The following JARID2 variants were observed in gnomAD, a reference collection of about 807,000 sequenced individuals.
JARID2 encodes the protein protein Jumonji.
In JARID2, 21 loss-of-function variants were observed where a neutral mutation model predicts 125.6. That is an observed-to-expected ratio of 0.17 (90% confidence interval 0.12 to 0.24). The LOEUF is 0.24. Among genes scored for constraint, JARID2 ranks in the 10% least tolerant of loss-of-function variants. The pLI, the probability that JARID2 is intolerant of heterozygous loss-of-function variation, is 1.00. For missense variants in JARID2, 1,303 were observed against 1,639.6 expected (o/e 0.79, Z 3.55); for synonymous variants, 736 against 661.6 (o/e 1.11, Z -1.73).
chr6:15,437,413 T>C (rs909173080), intron 3 of JARID2, among the ~76,000 whole-genome samples: 1 of 152,200 alleles, frequency 6.6e-6, no homozygotes, highest in African/African-American at 2.4e-5. Context: ...CAGCTCCTTA[T>C]GCACTGTCCT....
intron 1 of JARID2, among the ~76,000 whole-genome samples, chr6:15,308,814 T>C (rs1335931709): frequency 6.6e-6 from 1 of 152,248 alleles, no homozygotes; most frequent in Admixed American, 6.5e-5. Flanking sequence ...AAATTGGTTT[T>C]CTTATATTTT....
chr6:15,347,211 G>A (rs1301658449), intron 1 of JARID2, among the ~76,000 whole-genome samples: 2 of 152,154 alleles, frequency 1.3e-5, no homozygotes, highest in African/African-American at 2.4e-5. Context: ...TATAATTTAT[G>A]GGCAGAATGA....
At chr6:15,261,311 C>CTTTTTTTTTT (rs70996526) in intron 1 of JARID2, among the ~76,000 whole-genome samples, 4 of 125,824 alleles carry the variant, frequency 3.2e-5, no homozygotes, top group African/African-American at 6.5e-5. Flanking sequence ...TCTTCTTCTT[C>CTTTTTTTTTT]TTTTTTTTTT....
intron 1 of JARID2, among the ~76,000 whole-genome samples, chr6:15,312,653 T>C (rs903245412): frequency 6.6e-6 from 1 of 152,180 alleles, no homozygotes; most frequent in Non-Finnish European, 1.5e-5. Flanking sequence ...CCAGGCTGTG[T>C]GTATGGTTTG....
In JARID2 at chr6:15,497,019, G is replaced by C; in HGVS notation, c.1794G>C (p.Glu598Asp). Residue 598 changes from glutamate (E) to aspartate (D), a missense_variant, in exon 7 of 18, where the codon GAG becomes GAC. Transcript: ENST00000341776. ...RVIPPPDWRP[E>D]CKLNDEMRFV... Reference sequence around the variant, plus strand: ...TCCCCCCTCCGGACTGGCGGCCCGAGTGCAAGCTCAACGATGAGATGCGGT... The same window carrying C: ...TCCCCCCTCCGGACTGGCGGCCCGACTGCAAGCTCAACGATGAGATGCGGT... 6.2e-7 allele frequency: 1 copy of C among 1,613,786 alleles called. No individual in the cohort carries two copies. Among genetic ancestry groups the C allele is most frequent in the Non-Finnish European group, 8.5e-7 (1 of 1,179,890 alleles).
intron 4 of JARID2, among the ~76,000 whole-genome samples, chr6:15,454,912 TG>T (rs1206724636): frequency 1.3e-5 from 2 of 152,150 alleles, no homozygotes; most frequent in African/African-American, 4.8e-5. Flanking sequence ...GAGAAGAACA[TG>T]GCCACTAGAC....
chr6:15,409,938 G>A (rs982950791), intron 2 of JARID2, among the ~76,000 whole-genome samples: 1 of 152,112 alleles, frequency 6.6e-6, no homozygotes, highest in Non-Finnish European at 1.5e-5. Flanking sequence ...AGATGTTTAT[G>A]TACTCTTTAA....
intron 8 of JARID2, 116 bp downstream of exon 8, chr6:15,501,525 G>A (rs200703660): frequency 1.4e-4 from 106 of 745,220 alleles, no homozygotes; most frequent in Non-Finnish European, 2.0e-4. Flanking sequence ...GGGGTGATGA[G>A]GGGGCGGGCC....
intron 1 of JARID2, among the ~76,000 whole-genome samples, chr6:15,310,726 C>T (rs981756620): frequency 6.6e-6 from 1 of 152,158 alleles, no homozygotes; most frequent in Non-Finnish European, 1.5e-5. Context: ...TTCCCATCCC[C>T]GCTTGGCTCT....
intron 3 of JARID2, among the ~76,000 whole-genome samples, chr6:15,436,242 G>A (rs1483868974): frequency 6.6e-6 from 1 of 152,172 alleles, no homozygotes; most frequent in East Asian, 1.9e-4. Context: ...GATCACACGT[G>A]GGCTTGGAGA....
At chr6:15,414,344 T>C (rs1766035414) in intron 3 of JARID2, among the ~76,000 whole-genome samples, 1 of 152,240 alleles carries the variant, frequency 6.6e-6, no homozygotes, top group African/African-American at 2.4e-5. Context: ...GTGTTGTTTT[T>C]CTGCAGAAAA....
At chr6:15,514,888 C>T (rs185578874) in intron 16 of JARID2, among the ~76,000 whole-genome samples, 1 of 152,254 alleles carries the variant, frequency 6.6e-6, no homozygotes, top group Admixed American at 6.5e-5. Flanking sequence ...CTGTAGATTT[C>T]CTTCTGTCTG....
At chr6:15,419,315 T>A (rs1187302815) in intron 3 of JARID2, among the ~76,000 whole-genome samples, 1 of 152,218 alleles carries the variant, frequency 6.6e-6, no homozygotes, top group Non-Finnish European at 1.5e-5. Context: ...TACTCTCTAC[T>A]ACAGAAAGTA....
chr6:15,275,806 T>C (rs1431444836), intron 1 of JARID2, among the ~76,000 whole-genome samples: 1 of 152,148 alleles, frequency 6.6e-6, no homozygotes, highest in African/African-American at 2.4e-5. Context: ...TGTATTAACC[T>C]AATTGCTTGT....
intron 1 of JARID2, among the ~76,000 whole-genome samples, chr6:15,276,654 C>T (rs907962715): frequency 6.6e-5 from 10 of 152,028 alleles, no homozygotes; most frequent in Admixed American, 6.6e-4. Flanking sequence ...TACATTAGGT[C>T]GGAGATCTTT....
intron 3 of JARID2, among the ~76,000 whole-genome samples, chr6:15,441,839 T>TG (rs1404881233): frequency 1.3e-5 from 2 of 152,150 alleles, no homozygotes; most frequent in Non-Finnish European, 2.9e-5. Context: ...TTGCCCAGCC[T>TG]GGAGTGCAAT....
At chr6:15,274,637 C>T (rs1387956466) in intron 1 of JARID2, among the ~76,000 whole-genome samples, 1 of 152,022 alleles carries the variant, frequency 6.6e-6, no homozygotes, top group Non-Finnish European at 1.5e-5. Flanking sequence ...GATTTCAGAC[C>T]TCGACTTTTT....
intron 1 of JARID2, among the ~76,000 whole-genome samples, chr6:15,298,561 T>G (rs564418690): frequency 2.0e-5 from 3 of 151,590 alleles, no homozygotes; most frequent in Non-Finnish European, 2.9e-5. Flanking sequence ...ATGCCTCTAG[T>G]CCCAGCTACC....
chr6:15,491,060 A>G (rs373452892), intron 6 of JARID2, among the ~76,000 whole-genome samples: 2 of 152,370 alleles, frequency 1.3e-5, no homozygotes, highest in South Asian at 4.1e-4. Flanking sequence ...ATCCTGCCCT[A>G]GTAAGATTCA....
Sources: allele counts gnomAD v4.1 joint callset (sites outside exome capture counted in the v4.1 genomes callset), GRCh38; gene constraint gnomAD v4.1.1; transcripts MANE v1.5; gene names NCBI Gene and HGNC (gene_info 2026-07-23, HGNC 2026-07-21).